Variants in KIRREL3 observed in about 807,000 individuals in gnomAD.
The protein encoded by KIRREL3 is kirre like nephrin family adhesion molecule 3.
KIRREL3 carries 36 observed loss-of-function variants against 89.7 expected under a neutral mutation model. The observed-to-expected ratio is 0.40, with a 90% CI of 0.31 to 0.53. The LOEUF (loss-of-function observed/expected upper bound fraction) is 0.53. Among genes scored for constraint, KIRREL3 ranks in the 20% least tolerant of loss-of-function variants. The probability of loss-of-function intolerance (pLI) is 0.49; values close to 1 mark genes in which losing one functional copy is unlikely to be tolerated. For synonymous variants in KIRREL3, 445 were observed against 441.4 expected, an observed-to-expected ratio of 1.01 and a Z score of -0.10; for missense variants, 864 against 1,056.6, an observed-to-expected ratio of 0.82 and a Z score of 2.53.
In KIRREL3 at chr11:126,446,876, C is replaced by A; in HGVS notation, c.1008G>T (p.Arg336=). 1 of 1,605,520 alleles carries A rather than the reference C, an allele frequency of 6.2e-7. No homozygotes were observed. ...GCAAGGATTGGGGTTCTGTGGTCAT[C>A]CGGGGCCCAACTGCGATGTGAGGAA... ...SRTVDVYFGP[R]MTTEPQSLLV... is the part of the protein sequence containing the mutation. The change falls in exon 9 of 17, where the codon CGG becomes CGT. Residue 336 remains arginine, a synonymous_variant. Transcript: ENST00000525144.
rs1247162572 is a variant in KIRREL3 at position 126,628,193 on chromosome 11, A to C, written c.56-65281T>G. Among the ~76,000 whole-genome samples, 2 of 152,140 alleles carry C rather than the reference A, an allele frequency of 1.3e-5. No homozygotes were observed. Among genetic ancestry groups the C allele is most frequent in the East Asian group, 3.9e-4 (2 of 5,190 alleles). ...CACCCCTCCAAGGCTTCTGGCCTGC[A>C]TCCCACTGCACTGTCTGAGCACTCA... On this transcript the variant is annotated intron_variant, in intron 1 of 16. Coordinates refer to ENST00000525144, the MANE Select transcript of KIRREL3 (RefSeq NM_032531.4). The surrounding 1 kb of genome is among the most constrained non-coding windows in gnomAD (Gnocchi z 5.2).
In KIRREL3 at chr11:126,523,217, G is replaced by T. The variant is rs955241883; in HGVS notation, c.284-1753C>A. 1.3e-5 allele frequency among the ~76,000 whole-genome samples: 2 copies of T among 152,130 alleles called. No individual in the cohort carries two copies. Among genetic ancestry groups the T allele is most frequent in the African/African-American group, 2.4e-5 (1 of 41,426 alleles). The stretch of plus-strand genomic sequence containing the variant: ...CCATCACTGGCTGTATTCAAGCAGA[G>T]GTTGGATGATCGCCTCTCAGGGATG... On this transcript the variant is annotated intron_variant, in intron 3 of 16. Coordinates refer to ENST00000525144, the MANE Select transcript of KIRREL3 (RefSeq NM_032531.4). The surrounding 1 kb of genome is among the most constrained non-coding windows in gnomAD (Gnocchi z 4.9).
intron 10 of KIRREL3, among the ~76,000 whole-genome samples, chr11:126,442,751 T>A (rs1955630644): frequency 6.6e-6 from 1 of 152,228 alleles, no homozygotes; most frequent in Non-Finnish European, 1.5e-5. Context: ...CCCTGGCAGG[T>A]CTGGTGCGCT....
chr11:126,593,393 C>A (rs1258127911), intron 1 of KIRREL3, among the ~76,000 whole-genome samples: 3 of 152,246 alleles, frequency 2.0e-5, no homozygotes, highest in African/African-American at 7.2e-5. Flanking sequence ...CCTCATCACA[C>A]TGTCCCCAGC....
rs11220593 is a variant in KIRREL3 at position 126,730,895 on chromosome 11, C to A, written c.56-167983G>T. 1.1e-4 allele frequency among the ~76,000 whole-genome samples: 17 copies of A among 152,182 alleles called. No homozygotes were observed. The East Asian group carries it at 1.7e-3, about 16-fold the overall frequency. On this transcript the variant is annotated intron_variant, in intron 1 of 16. Transcript: ENST00000525144. ...CTGGGACTACAGGCACCTGCCACCA[C>A]GCCTGGCTAATTTTTTTATATTTTT...
chr11:126,939,283 G>A (rs779032379), intron 1 of KIRREL3, among the ~76,000 whole-genome samples: 10 of 152,148 alleles, frequency 6.6e-5, no homozygotes, highest in Non-Finnish European at 1.0e-4. Context: ...CAGGCCCAAT[G>A]GGCTGCTCCA....
rs1029440391 is a variant in KIRREL3, at chr11:126,955,980, CAG to C, written c.55+44473_55+44474del. Among the ~76,000 whole-genome samples, 8 of 152,182 alleles carry C rather than the reference CAG, an allele frequency of 5.3e-5. No homozygotes were observed. The highest frequency in any genetic ancestry group is 7.3e-5 in the Non-Finnish European group (5 of 68,030). On this transcript the variant is annotated intron_variant, in intron 1 of 16. Coordinates refer to ENST00000525144, the MANE Select transcript of KIRREL3 (RefSeq NM_032531.4). The surrounding 1 kb of genome is among the most constrained non-coding windows in gnomAD (Gnocchi z 4.6). ...GTTAAACGTTCTATGAAAAAAGGGA[CAG>C]GGAACAATGGGGCCATGTTGCCTTC...
chr11:126,590,560 G>A (rs1942085736), intron 1 of KIRREL3, among the ~76,000 whole-genome samples: 1 of 152,240 alleles, frequency 6.6e-6, no homozygotes, highest in African/African-American at 2.4e-5. Flanking sequence ...GGACACAGCA[G>A]ACGAAAGAGA....
At position 126,802,029 on chromosome 11, in the gene KIRREL3, A is replaced by G. The variant is rs866927367; in HGVS notation, c.55+198426T>C. On this transcript the variant is annotated intron_variant, in intron 1 of 16. Coordinates refer to ENST00000525144, the MANE Select transcript of KIRREL3 (RefSeq NM_032531.4). This position sits in a 1 kb window ranked among gnomAD's most constrained non-coding sequence, Gnocchi z 5.2. ...AAACACCCCCAAATCAGTTGGTTGAAACCTGATTAATTGCTATTCCATAGG... is the reference window on the plus strand; with the variant it reads ...AAACACCCCCAAATCAGTTGGTTGAGACCTGATTAATTGCTATTCCATAGG... 5.3e-5 allele frequency among the ~76,000 whole-genome samples: 8 copies of G among 152,304 alleles called. No individual in the cohort carries two copies. Among genetic ancestry groups the G allele is most frequent in the Middle Eastern group, 3.4e-3 (1 of 294 alleles).
At chr11:126,818,991 T>C (rs2134447158) in intron 1 of KIRREL3, among the ~76,000 whole-genome samples, 1 of 152,278 alleles carries the variant, frequency 6.6e-6, no homozygotes, top group African/African-American at 2.4e-5. Context: ...TTATTTGAAC[T>C]GAAATGAACC....
chr11:126,723,016 C>T lies in KIRREL3; in HGVS notation c.56-160104G>A, dbSNP rs1446209718. On this transcript the variant is annotated intron_variant, in intron 1 of 16. Coordinates refer to ENST00000525144, the MANE Select transcript of KIRREL3 (RefSeq NM_032531.4). The surrounding 1 kb of genome is among the most constrained non-coding windows in gnomAD (Gnocchi z 4.0). ...CCTTTGTCTCCCACGGTGGAATTGG[C>T]CTTTCTTCATCTATTCCTCTTACAG... is the stretch of plus-strand genomic sequence containing the variant. 1.3e-5 allele frequency among the ~76,000 whole-genome samples: 2 copies of T among 152,154 alleles called. No individual in the cohort carries two copies. The highest frequency in any genetic ancestry group is 2.9e-5 in the Non-Finnish European group (2 of 68,036).
Position 126,445,084 on chromosome 11 carries a change from G to T in KIRREL3, c.1147C>A (p.Leu383Met). 1 of 1,614,026 alleles carries T rather than the reference G, an allele frequency of 6.2e-7. No individual in the cohort carries two copies. Among genetic ancestry groups the T allele is most frequent in the Non-Finnish European group, 8.5e-7 (1 of 1,179,896 alleles). Reference protein sequence around the residue: ...SGVVLSNEKTLTLKSVRQEDA... With the variant: ...SGVVLSNEKTMTLKSVRQEDA... The stretch of plus-strand genomic sequence containing the variant: ...TCCTGGCGCACGGATTTGAGGGTCA[G>T]GGTCTTCTCATTGCTCAGGACCTAG... The change falls in exon 10 of 17, where the codon CTG (leucine) becomes ATG (methionine). Residue 383 changes from leucine (L) to methionine (M), a missense_variant. Leu to Met is a conservative substitution (Grantham distance 15). Transcript: ENST00000525144.
chr11:126,932,873 C>G (rs1948013102), intron 1 of KIRREL3, among the ~76,000 whole-genome samples: 2 of 152,176 alleles, frequency 1.3e-5, no homozygotes, highest in South Asian at 4.1e-4. Context: ...TAATAATCAA[C>G]ATAAATAGAT....
rs1431048701 is a variant in KIRREL3 at position 126,569,475 on chromosome 11, A to G, written c.56-6563T>C. On this transcript the variant is annotated intron_variant, in intron 1 of 16. Transcript: ENST00000525144. The surrounding 1 kb of genome is among the most constrained non-coding windows in gnomAD (Gnocchi z 6.5). ...GACTGGTGTAAAGTCCAAGGCACAG[A>G]CACTCGCAAAGAGGCCACTAAGTGC... 1.3e-5 allele frequency among the ~76,000 whole-genome samples: 2 copies of G among 152,234 alleles called. No homozygotes were observed. Among genetic ancestry groups the G allele is most frequent in the African/African-American group, 4.8e-5 (2 of 41,456 alleles).
At position 126,686,142 on chromosome 11, in the gene KIRREL3, G is replaced by A. The variant is rs535992428; in HGVS notation, c.56-123230C>T. ...CTCCTTCCCTGTGGTCCGAGTTACT[G>A]GCAGGGTCTCTGCGTTCTGCCTTTG... On this transcript the variant is annotated intron_variant, in intron 1 of 16. Coordinates refer to ENST00000525144, the MANE Select transcript of KIRREL3 (RefSeq NM_032531.4). This position sits in a 1 kb window ranked among gnomAD's most constrained non-coding sequence, Gnocchi z 4.7. Among the ~76,000 whole-genome samples, 92 of 152,268 alleles carry A rather than the reference G, an allele frequency of 6.0e-4. No homozygotes were observed. Among genetic ancestry groups the A allele is most frequent in the African/African-American group, 2.2e-3 (92 of 41,550 alleles).
intron 1 of KIRREL3, among the ~76,000 whole-genome samples, chr11:126,873,574 G>T (rs1397841883): frequency 6.6e-6 from 1 of 152,150 alleles, no homozygotes; most frequent in African/African-American, 2.4e-5. Context: ...CTTGTTTAAA[G>T]CAAAAGCAAT....
chr11:126,790,263 G>T (rs900302093), intron 1 of KIRREL3, among the ~76,000 whole-genome samples: 1 of 152,150 alleles, frequency 6.6e-6, no homozygotes, highest in African/African-American at 2.4e-5. Flanking sequence ...CTGATTAGAC[G>T]GACTCGGTCC....
chr11:126,863,723 G>T (rs1222594298), intron 1 of KIRREL3, among the ~76,000 whole-genome samples: 1 of 152,138 alleles, frequency 6.6e-6, no homozygotes, highest in Admixed American at 6.5e-5. Flanking sequence ...GAACAAAGAG[G>T]TACAAAGAGG....
intron 1 of KIRREL3, among the ~76,000 whole-genome samples, chr11:126,733,341 CA>C (rs1328604995): frequency 1.3e-5 from 2 of 152,150 alleles, no homozygotes; most frequent in African/African-American, 4.8e-5. Flanking sequence ...CCCTCAGACC[CA>C]CAAGAGAGGT....
Sources: allele counts gnomAD v4.1 joint callset (sites outside exome capture counted in the v4.1 genomes callset), GRCh38; gene constraint gnomAD v4.1.1; non-coding constraint Gnocchi (gnomAD v3.1); transcripts MANE v1.5; gene names NCBI Gene and HGNC (gene_info 2026-07-23, HGNC 2026-07-21).